Variants in PDE8B observed in about 807,000 individuals in gnomAD.
PDE8B encodes the protein phosphodiesterase 8B.
Under a neutral mutation model 101.3 loss-of-function variants are expected in PDE8B, and 26 were observed. The observed-to-expected ratio is 0.26, with a 90% CI of 0.19 to 0.36. The LOEUF is 0.36. Ranked by LOEUF, PDE8B falls within the 10% of genes least tolerant of loss-of-function variation. PDE8B has a pLI of 1.00. For synonymous variants in PDE8B, 424 were observed against 429.3 expected (o/e 0.99, Z 0.15); for missense variants, 810 against 1,163.1 (o/e 0.70, Z 4.42).
intron 6 of PDE8B, among the ~76,000 whole-genome samples, chr5:77,340,510 A>G (rs980940306): frequency 6.6e-6 from 1 of 151,082 alleles, no homozygotes; most frequent in South Asian, 2.1e-4. Context: ...CTCATCCCAG[A>G]CTCCTGCTGG....
intron 1 of PDE8B, among the ~76,000 whole-genome samples, chr5:77,259,741 G>T (rs1016032415): frequency 2.0e-5 from 3 of 152,234 alleles, no homozygotes; most frequent in Non-Finnish European, 2.9e-5. Context: ...TGAGCTCAGG[G>T]TGGTGGGGGT....
the PDE8B span, among the ~76,000 whole-genome samples, chr5:77,094,378 T>A: frequency 6.6e-6 from 1 of 152,132 alleles, no homozygotes; most frequent in Non-Finnish European, 1.5e-5. Flanking sequence ...TGTGTAATCA[T>A]GGCTCACTAC....
At chr5:77,413,409 G>C in intron 17 of PDE8B, 100 bp downstream of exon 17, 1 of 1,056,900 alleles carries the variant, frequency 9.5e-7, no homozygotes, top group Non-Finnish European at 1.4e-6. Flanking sequence ...TTGCAACCAA[G>C]TTGACAGCTT....
At chr5:77,153,764 G>A in the PDE8B span, among the ~76,000 whole-genome samples, 2 of 151,942 alleles carry the variant, frequency 1.3e-5, no homozygotes, top group East Asian at 1.9e-4. Context: ...TAGTAGAGAC[G>A]GGGTTTCACC....
intron 1 of PDE8B, among the ~76,000 whole-genome samples, chr5:77,279,894 CTTG>C: frequency 6.6e-6 from 1 of 152,182 alleles, no homozygotes; most frequent in Non-Finnish European, 1.5e-5. Flanking sequence ...GCAGAGCATC[CTTG>C]TCTTATGCTG....
At chr5:77,179,111 GT>G in the PDE8B span, among the ~76,000 whole-genome samples, 1 of 152,234 alleles carries the variant, frequency 6.6e-6, no homozygotes, top group African/African-American at 2.4e-5. Context: ...TCATCTTGAA[GT>G]TTGTCCACAC....
chr5:77,198,933 C>A, the PDE8B span, among the ~76,000 whole-genome samples: 40 of 152,162 alleles, frequency 2.6e-4, no homozygotes, highest in African/African-American at 9.4e-4. Context: ...GTTTTTGTTG[C>A]AGAATTGTCT....
intron 1 of PDE8B, among the ~76,000 whole-genome samples, chr5:77,280,595 G>A (rs1312180592): frequency 6.6e-6 from 1 of 152,086 alleles, no homozygotes; most frequent in Non-Finnish European, 1.5e-5. Context: ...CTTTACTGTT[G>A]GGTAGCAGTT....
the PDE8B span, chr5:77,147,157 T>C: frequency 5.8e-6 from 2 of 345,892 alleles, no homozygotes; most frequent in Non-Finnish European, 1.2e-5. Flanking sequence ...ATGATGATGA[T>C]AATGAGTAAG....
chr5:77,303,351 G>T (rs1370121147), intron 1 of PDE8B, among the ~76,000 whole-genome samples: 1 of 152,050 alleles, frequency 6.6e-6, no homozygotes, highest in Non-Finnish European at 1.5e-5. Flanking sequence ...ACCAGCCTGG[G>T]CAACACGGTG....
the PDE8B span, among the ~76,000 whole-genome samples, chr5:77,202,673 C>T: frequency 2.0e-5 from 3 of 150,786 alleles, no homozygotes; most frequent in Non-Finnish European, 2.9e-5. Flanking sequence ...CGCTCTCTTG[C>T]CCAGGCTGGA....
intron 1 of PDE8B, among the ~76,000 whole-genome samples, chr5:77,273,937 C>T (rs1261525604): frequency 6.6e-6 from 1 of 151,938 alleles, no homozygotes; most frequent in Non-Finnish European, 1.5e-5. Flanking sequence ...ATTCTCCTGC[C>T]TCAGCCTCCC....
the PDE8B span, among the ~76,000 whole-genome samples, chr5:77,093,671 C>A: frequency 3.3e-5 from 5 of 152,104 alleles, no homozygotes; most frequent in Non-Finnish European, 7.3e-5. Context: ...AAGATGAATC[C>A]CTGTGGTAAT....
the PDE8B span, chr5:77,148,506 T>A: frequency 6.6e-6 from 1 of 152,234 alleles, no homozygotes; most frequent in Non-Finnish European, 1.5e-5. Flanking sequence ...CAATATATGA[T>A]GGTTTCAATT....
the PDE8B span, among the ~76,000 whole-genome samples, chr5:77,178,760 G>C: frequency 1.3e-5 from 2 of 152,124 alleles, no homozygotes; most frequent in African/African-American, 4.8e-5. Flanking sequence ...TGGGGCTGCA[G>C]TTGCATCTCA....
chr5:77,349,861 G>T (rs1443059540), intron 8 of PDE8B, among the ~76,000 whole-genome samples: 1 of 152,172 alleles, frequency 6.6e-6, no homozygotes, highest in Non-Finnish European at 1.5e-5. Flanking sequence ...GTTCCACCCA[G>T]AGAGCTGTTG....
chr5:77,199,058 T>C, the PDE8B span, among the ~76,000 whole-genome samples: 1 of 152,202 alleles, frequency 6.6e-6, no homozygotes, highest in African/African-American at 2.4e-5. Flanking sequence ...TCTCAGACCT[T>C]TCCAGGGGAG....
the PDE8B span, among the ~76,000 whole-genome samples, chr5:77,136,020 A>G: frequency 2.0e-5 from 3 of 152,128 alleles, no homozygotes; most frequent in African/African-American, 7.2e-5. Context: ...TATTGCCCAC[A>G]TCTTTGTCTT....
At chr5:77,130,080 A>G in the PDE8B span, among the ~76,000 whole-genome samples, 1 of 152,148 alleles carries the variant, frequency 6.6e-6, no homozygotes, top group African/African-American at 2.4e-5. Flanking sequence ...CAGAACCTAT[A>G]TAGACCTCTG....
Sources: gnomAD v4.1 joint callset for allele counts (sites outside exome capture counted in the v4.1 genomes callset) on GRCh38, gnomAD v4.1.1 for gene constraint, MANE v1.5 for transcripts, NCBI Gene and HGNC (gene_info 2026-07-23, HGNC 2026-07-21) for gene names.